Variants in ZNF519 observed in about 807,000 individuals in gnomAD.
ZNF519 encodes the protein zinc finger protein 519, also known as similar to Zinc finger protein 85 (Zinc finger protein HPF4) (HTF1).
Under a neutral mutation model 7.4 loss-of-function variants are expected in ZNF519, and 7 were observed. The observed-to-expected ratio is 0.94, with a 90% CI of 0.54 to 1.77. ZNF519 has a LOEUF of 1.77. Among genes scored for constraint, ZNF519 ranks in the 40% most tolerant of loss-of-function variants. ZNF519 has a pLI of 0.00. For missense variants in ZNF519, 586 were observed against 623.1 expected (o/e 0.94, Z 0.63); for synonymous variants, 179 against 203.3 (o/e 0.88, Z 1.02).
intron 1 of ZNF519, among the ~76,000 whole-genome samples, chr18:14,126,134 GA>G (rs2046298340): frequency 1.3e-5 from 2 of 152,328 alleles, no homozygotes; most frequent in African/African-American, 4.8e-5. Flanking sequence ...GCAGTTCTGT[GA>G]GAGATTTCAG....
chr18:14,084,845 T>C (rs1397799337), intron 3 of ZNF519: 2 of 152,162 alleles, frequency 1.3e-5, no homozygotes, highest in Admixed American at 6.5e-5. Flanking sequence ...TGGAAAACTT[T>C]GTATAAAATA....
At chr18:14,118,526 G>A (rs1402381371) in intron 2 of ZNF519, among the ~76,000 whole-genome samples, 1 of 152,140 alleles carries the variant, frequency 6.6e-6, no homozygotes, top group Non-Finnish European at 1.5e-5. Flanking sequence ...ACAGGCAGTA[G>A]AAAGATGACT....
intron 3 of ZNF519, chr18:14,080,263 C>T (rs2046065207): frequency 6.7e-6 from 1 of 149,088 alleles, no homozygotes; most frequent in African/African-American, 2.5e-5. Context: ...ATCTCTCATT[C>T]ATGCTGGTGG....
At chr18:14,099,893 GAATA>G (rs2046152024), downstream of ZNF519, 1 of 152,026 alleles carries the variant, frequency 6.6e-6, no homozygotes, top group African/African-American at 2.4e-5. Context: ...AAAAAAAGTT[GAATA>G]AATAAGGCAA....
chr18:14,119,649 TGTCACTCTGTTGCCCAG>T lies in ZNF519; in HGVS notation c.130+4684_130+4700del, dbSNP rs549862967. 1.9e-3 allele frequency among the ~76,000 whole-genome samples: 290 copies of T among 152,202 alleles called. 3 individuals carry two copies. The highest frequency in any genetic ancestry group is 6.7e-3 in the African/African-American group (277 of 41,508). ...ACTTCTGGGGTTTTTTGAGACAGGG[TGTCACTCTGTTGCCCAG>T]GCTCACCTCAAACTGCTGGGCTCAA... is the stretch of plus-strand genomic sequence containing the variant. On this transcript the variant is annotated intron_variant, in intron 2 of 2. Coordinates refer to ENST00000590202, the MANE Select transcript of ZNF519 (RefSeq NM_145287.4).
chr18:14,132,299 T>C lies in ZNF519; in HGVS notation c.-22A>G. 6.2e-7 allele frequency: 1 copy of C among 1,613,690 alleles called. No homozygotes were observed. Among genetic ancestry groups the C allele is most frequent in the Non-Finnish European group, 8.5e-7 (1 of 1,179,724 alleles). On this transcript the variant is annotated 5_prime_UTR_variant, in exon 1 of 3. Coordinates refer to ENST00000590202, the MANE Select transcript of ZNF519 (RefSeq NM_145287.4). Reference sequence around the variant, plus strand: ...CCATTTCTCGGCTTCAGGGGTGTCCTGGAGTCTTAGCTATAAATCATTCAA... The same window carrying C: ...CCATTTCTCGGCTTCAGGGGTGTCCCGGAGTCTTAGCTATAAATCATTCAA...
intron 2 of ZNF519, among the ~76,000 whole-genome samples, chr18:14,093,344 G>T (rs2046121826): frequency 6.6e-6 from 1 of 152,128 alleles, no homozygotes; most frequent in South Asian, 2.1e-4. Context: ...TCAAATTAAA[G>T]TTGAGTTTAG....
chr18:14,097,093 G>C (rs921514022), downstream of ZNF519, among the ~76,000 whole-genome samples: 1 of 152,136 alleles, frequency 6.6e-6, no homozygotes, highest in African/African-American at 2.4e-5. Context: ...TTTATACATA[G>C]TGTGTGCTCC....
rs554602783 is a variant in ZNF519 at position 14,083,674 on chromosome 18, A to G, written c.*177+1203T>C. Reference sequence around the variant, plus strand: ...CTTGTAACCCCAGCACTTTGGGAGCATGAGGCGGTGGATTACTTGAGGCCA... The same window carrying G: ...CTTGTAACCCCAGCACTTTGGGAGCGTGAGGCGGTGGATTACTTGAGGCCA... On this transcript the variant is annotated intron_variant and NMD_transcript_variant, in intron 3 of 4. Coordinates refer to the ZNF519 transcript ENST00000587419. 6.6e-5 allele frequency among the ~76,000 whole-genome samples: 10 copies of G among 152,114 alleles called. No homozygotes were observed. In the South Asian group the frequency reaches 2.1e-3, roughly 32 times the overall value.
At chr18:14,114,173 T>C (rs2046235373) in intron 2 of ZNF519, among the ~76,000 whole-genome samples, 1 of 152,174 alleles carries the variant, frequency 6.6e-6, no homozygotes, top group African/African-American at 2.4e-5. Context: ...TTTGCTTTGG[T>C]TGCCTGTGCC....
In ZNF519 at chr18:14,106,324, C is replaced by T. The variant is rs1188379260; in HGVS notation, c.216G>A (p.Gly72=). 6.2e-7 allele frequency: 1 copy of T among 1,612,958 alleles called. No homozygotes were observed. Among genetic ancestry groups the T allele is most frequent in the East Asian group, 2.2e-5 (1 of 44,840 alleles). Residue 72 remains glycine, a synonymous_variant, in exon 3 of 3, where the codon GGG becomes GGA. Coordinates refer to ENST00000590202, the MANE Select transcript of ZNF519 (RefSeq NM_145287.4). ...AGCATATATTTTCAAGGCCACAGCT[C>T]CCATATCTTCCCAGTGTTGCTTTTT... ...SFKKATLGRY[G]SCGLENICLW...
intron 2 of ZNF519, among the ~76,000 whole-genome samples, chr18:14,107,841 G>A (rs918750735): frequency 1.3e-5 from 2 of 152,136 alleles, no homozygotes; most frequent in African/African-American, 4.8e-5. Flanking sequence ...AGGCTCTTCT[G>A]CCTGTGGAAT....
At position 14,101,265 on chromosome 18, in the gene ZNF519, G is replaced by A. The variant is rs2046159038; in HGVS notation, c.*3652C>T. 2 of 154,324 alleles carry A rather than the reference G, an allele frequency of 1.3e-5. No homozygotes were observed. The highest frequency in any genetic ancestry group is 2.1e-4 in the South Asian group (1 of 4,836). The allele number at this position is 154,324 out of a possible 1,614,324, so 9.6% of individuals were successfully genotyped here. On this transcript the variant is annotated 3_prime_UTR_variant, in exon 3 of 3. Transcript: ENST00000590202. Reference sequence around the variant, plus strand: ...GTGGGCACCACGGGCTCCTCCTGCTGCCCCACCACGCCTGCACTGATGGAG... The same window carrying A: ...GTGGGCACCACGGGCTCCTCCTGCTACCCCACCACGCCTGCACTGATGGAG...
chr18:14,096,193 C>T (rs1366147002), downstream of ZNF519, among the ~76,000 whole-genome samples: 1 of 152,202 alleles, frequency 6.6e-6, no homozygotes, highest in Non-Finnish European at 1.5e-5. Flanking sequence ...ACTTCTTTCC[C>T]CCGAGTGGGC....
intron 2 of ZNF519, chr18:14,123,103 C>T: frequency 4.8e-6 from 1 of 210,126 alleles, no homozygotes; most frequent in Admixed American, 5.0e-5. Flanking sequence ...CCTTCATTCA[C>T]CCTCACTTAC....
intron 1 of ZNF519, among the ~76,000 whole-genome samples, chr18:14,130,035 C>A (rs1165050763): frequency 6.6e-6 from 1 of 152,054 alleles, no homozygotes; most frequent in Non-Finnish European, 1.5e-5. Flanking sequence ...GCTTTTTGTT[C>A]TCCGAAATCA....
chr18:14,084,501 C>T (rs6505874), intron 3 of ZNF519, among the ~76,000 whole-genome samples: 75,323 of 151,856 alleles, frequency 0.5, 19,024 homozygotes, highest in Non-Finnish European at 0.51. Context: ...AAGCCACATA[C>T]TAAGTGCCAG....
At chr18:14,131,458 G>C (rs1290292445) in intron 1 of ZNF519, among the ~76,000 whole-genome samples, 1 of 152,198 alleles carries the variant, frequency 6.6e-6, no homozygotes, top group Non-Finnish European at 1.5e-5. Flanking sequence ...GCCAGGTTAG[G>C]CTGGCAGAAC....
intron 2 of ZNF519, among the ~76,000 whole-genome samples, chr18:14,089,534 T>C (rs2046105536): frequency 2.1e-5 from 3 of 139,696 alleles, no homozygotes; most frequent in South Asian, 2.4e-4. Context: ...CTGTGATTTA[T>C]TTAACTTTTA....
Sources: gnomAD v4.1 joint callset for allele counts (sites outside exome capture counted in the v4.1 genomes callset) on GRCh38, gnomAD v4.1.1 for gene constraint, MANE v1.5 for transcripts, NCBI Gene and HGNC (gene_info 2026-07-23, HGNC 2026-07-21) for gene names.